Variants in ADAMTS12 observed in about 807,000 individuals in gnomAD.
ADAMTS12 encodes ADAM metallopeptidase with thrombospondin type 1 motif 12.
A neutral mutation model predicts 167.8 loss-of-function variants in ADAMTS12; 118 were observed. The observed-to-expected ratio is 0.70, with a 90% CI of 0.61 to 0.82. The LOEUF is 0.82. Ranked by LOEUF, ADAMTS12 falls within the 40% of genes least tolerant of loss-of-function variation. ADAMTS12 has a pLI of 0.00. For synonymous variants in ADAMTS12, 704 were observed against 716.9 expected (o/e 0.98, Z 0.29); for missense variants, 1,916 against 1,998.8 (o/e 0.96, Z 0.79).
At chr5:33,840,341 G>A (rs200396715) in intron 2 of ADAMTS12, 2 of 152,110 alleles carry the variant, frequency 1.3e-5, no homozygotes. Context: ...GTTTAGGAAG[G>A]GTTTCCTAAC....
chr5:33,570,747 T>C (rs1221162482), intron 19 of ADAMTS12, among the ~76,000 whole-genome samples: 1 of 149,806 alleles, frequency 6.7e-6, no homozygotes, highest in Non-Finnish European at 1.5e-5. Flanking sequence ...CACATAACAA[T>C]ATTAACTTTA....
At chr5:33,589,581 C>G (rs1221108785) in intron 17 of ADAMTS12, among the ~76,000 whole-genome samples, 1 of 152,140 alleles carries the variant, frequency 6.6e-6, no homozygotes, top group Non-Finnish European at 1.5e-5. Flanking sequence ...TGGCAGGGAG[C>G]CATCTCTTGT....
intron 5 of ADAMTS12, among the ~76,000 whole-genome samples, chr5:33,664,782 A>C (rs142091516): frequency 1.6e-3 from 248 of 152,264 alleles, no homozygotes; most frequent in African/African-American, 5.7e-3. Context: ...ATGATCCCAG[A>C]ATCCCATGGG....
Position 33,630,799 on chromosome 5 carries a change from C to T in ADAMTS12, c.2003G>A (p.Cys668Tyr), listed in dbSNP as rs910532254. The change falls in exon 13 of 24, where the codon TGT becomes TAT. Residue 668 changes from cysteine to tyrosine, a missense_variant. Physicochemically the swap from Cys to Tyr is radical, Grantham distance 194. Transcript: ENST00000504830. ...CAATACCTTACATATGCCATTAATA[C>T]AGACATTTCTGCTGTTGCCGCCTTC... is the stretch of plus-strand genomic sequence containing the variant. ...CFEGGNSRNV[C>Y]INGICKMVGC... The T allele has an allele frequency of 1.9e-6, 3 of 1,613,368 alleles. No homozygotes were observed. Among genetic ancestry groups the T allele is most frequent in the African/African-American group, 2.7e-5 (2 of 74,866 alleles).
rs560166437 is a variant in ADAMTS12 at position 33,619,614 on chromosome 5, C to T, written c.2144-3542G>A. On this transcript the variant is annotated intron_variant, in intron 14 of 23. Transcript: ENST00000504830. ...TATTAAATTATCCAGCTTTAGGTCC[C>T]TCTCCTTCCTTTTGCTTTAAGTTGT... Among the ~76,000 whole-genome samples the T allele has an allele frequency of 7.9e-5, 12 of 151,982 alleles. No individual in the cohort carries two copies. The South Asian group carries it at 2.5e-3, about 32-fold the overall frequency.
At chr5:33,685,104 G>T (rs1416746390) in intron 3 of ADAMTS12, among the ~76,000 whole-genome samples, 1 of 152,194 alleles carries the variant, frequency 6.6e-6, no homozygotes, top group African/African-American at 2.4e-5. Flanking sequence ...TTCCTATCAG[G>T]ATCACAGCCA....
At chr5:33,627,639 A>C (rs996762036) in intron 13 of ADAMTS12, among the ~76,000 whole-genome samples, 13 of 152,132 alleles carry the variant, frequency 8.5e-5, no homozygotes, top group African/African-American at 1.2e-4. Flanking sequence ...TCCAAAAAGA[A>C]GTGCTATAGA....
chr5:33,888,595 C>T (rs1442847126), intron 1 of ADAMTS12, among the ~76,000 whole-genome samples: 1 of 152,170 alleles, frequency 6.6e-6, no homozygotes, highest in Non-Finnish European at 1.5e-5. Flanking sequence ...AACATTCCCT[C>T]TGTTTCTTGC....
At chr5:33,725,013 C>A (rs1213826053) in intron 3 of ADAMTS12, among the ~76,000 whole-genome samples, 1 of 152,180 alleles carries the variant, frequency 6.6e-6, no homozygotes, top group Non-Finnish European at 1.5e-5. Context: ...AAACCCTATA[C>A]CTTCCCCCTG....
At chr5:33,677,345 A>G (rs1561209310) in intron 5 of ADAMTS12, among the ~76,000 whole-genome samples, 1 of 152,230 alleles carries the variant, frequency 6.6e-6, no homozygotes. Flanking sequence ...TGACAATGCT[A>G]TGAAATACAT....
chr5:33,757,821 C>CA (rs1376215696), intron 2 of ADAMTS12, among the ~76,000 whole-genome samples: 1 of 152,154 alleles, frequency 6.6e-6, no homozygotes, highest in East Asian at 1.9e-4. Flanking sequence ...TTATGACTAT[C>CA]AGAGACACTA....
At chr5:33,829,056 A>AG (rs1748200767) in intron 2 of ADAMTS12, among the ~76,000 whole-genome samples, 1 of 152,178 alleles carries the variant, frequency 6.6e-6, no homozygotes, top group African/African-American at 2.4e-5. Flanking sequence ...GCTCTGAATG[A>AG]GATCCACTCC....
intron 2 of ADAMTS12, chr5:33,840,360 C>T (rs933700607): frequency 1.3e-5 from 2 of 152,226 alleles, no homozygotes; most frequent in African/African-American, 2.4e-5. Flanking sequence ...ACACTATCTC[C>T]TTGCTTCAGT....
At chr5:33,762,903 A>C (rs142529857) in intron 2 of ADAMTS12, among the ~76,000 whole-genome samples, 2 of 152,184 alleles carry the variant, frequency 1.3e-5, no homozygotes, top group Non-Finnish European at 2.9e-5. Context: ...AGTAGGAGGT[A>C]AGATCATCTG....
intron 19 of ADAMTS12, among the ~76,000 whole-genome samples, chr5:33,574,021 C>G (rs920458060): frequency 2.2e-4 from 34 of 152,098 alleles, no homozygotes; most frequent in Non-Finnish European, 3.8e-4. Flanking sequence ...GGCCATCAGA[C>G]AAATGCAAAT....
chr5:33,638,019 T>G (rs1561187161), intron 11 of ADAMTS12, among the ~76,000 whole-genome samples: 1 of 152,200 alleles, frequency 6.6e-6, no homozygotes, highest in Non-Finnish European at 1.5e-5. Context: ...ATACATCATT[T>G]TCCTTTCGAG....
intron 2 of ADAMTS12, among the ~76,000 whole-genome samples, chr5:33,843,861 G>T (rs532913647): frequency 6.6e-6 from 1 of 152,322 alleles, no homozygotes; most frequent in African/African-American, 2.4e-5. Flanking sequence ...ACACAGAATG[G>T]CACACAATTT....
chr5:33,628,501 C>T (rs192359483), intron 13 of ADAMTS12, among the ~76,000 whole-genome samples: 1 of 152,214 alleles, frequency 6.6e-6, no homozygotes, highest in East Asian at 1.9e-4. Context: ...ATTTCCTTGA[C>T]AATAGAATCT....
At chr5:33,816,780 A>G (rs1747670249) in intron 2 of ADAMTS12, among the ~76,000 whole-genome samples, 1 of 152,150 alleles carries the variant, frequency 6.6e-6, no homozygotes, top group South Asian at 2.1e-4. Context: ...GAGAAGCTGA[A>G]GAGCAATTTT....
Sources: gnomAD v4.1 joint callset for allele counts (sites outside exome capture counted in the v4.1 genomes callset) on GRCh38, gnomAD v4.1.1 for gene constraint, MANE v1.5 for transcripts, NCBI Gene and HGNC (gene_info 2026-07-23, HGNC 2026-07-21) for gene names.